The following RAPGEF2 variants were observed in gnomAD, a reference collection of about 807,000 sequenced individuals.
The protein encoded by RAPGEF2 is Rap guanine nucleotide exchange factor 2.
Under a neutral mutation model 186.7 loss-of-function variants are expected in RAPGEF2, and 54 were observed. The ratio of observed to expected loss-of-function variants is 0.29; its 90% CI spans 0.23 to 0.36. The LOEUF (loss-of-function observed/expected upper bound fraction) is 0.36. RAPGEF2 is among the 10% of genes least tolerant of loss of function. The pLI is 1.00. For synonymous variants in RAPGEF2, 712 were observed against 705.9 expected (o/e 1.01, Z -0.14); for missense variants, 1,532 against 2,045.0 (o/e 0.75, Z 4.84).
At chr4:159,174,651 A>AT (rs1189091218) in intron 1 of RAPGEF2, among the ~76,000 whole-genome samples, 1 of 151,920 alleles carries the variant, frequency 6.6e-6, no homozygotes, top group Non-Finnish European at 1.5e-5. Context: ...TGATTTGTTT[A>AT]TTTTTTTCCT....
chr4:159,339,682 G>A (rs1053806201), intron 19 of RAPGEF2, among the ~76,000 whole-genome samples: 1 of 152,160 alleles, frequency 6.6e-6, no homozygotes, highest in Non-Finnish European at 1.5e-5. Context: ...TATGCTTGAT[G>A]TAAAGTCACG....
At chr4:159,219,797 G>C (rs894457755) in intron 4 of RAPGEF2, among the ~76,000 whole-genome samples, 5 of 152,178 alleles carry the variant, frequency 3.3e-5, no homozygotes, top group Non-Finnish European at 5.9e-5. Flanking sequence ...TTAGTGCTTA[G>C]TCCGTACTAA....
At chr4:159,112,138 T>G (rs923454835) in intron 1 of RAPGEF2, among the ~76,000 whole-genome samples, 1 of 152,224 alleles carries the variant, frequency 6.6e-6, no homozygotes, top group Non-Finnish European at 1.5e-5. Flanking sequence ...TATTACCTTT[T>G]GGTTAAAATG....
chr4:159,122,982 A>G (rs916854058), intron 1 of RAPGEF2, among the ~76,000 whole-genome samples: 8 of 150,622 alleles, frequency 5.3e-5, no homozygotes, highest in African/African-American at 2.0e-4. Flanking sequence ...TATTTATTAA[A>G]CAAATTTAAG....
chr4:159,244,484 T>G (rs916753027), intron 7 of RAPGEF2, among the ~76,000 whole-genome samples: 1 of 152,012 alleles, frequency 6.6e-6, no homozygotes, highest in Non-Finnish European at 1.5e-5. Context: ...AGTACTGTAC[T>G]AAGTACTAAA....
chr4:159,132,699 G>A (rs892935216), intron 1 of RAPGEF2, among the ~76,000 whole-genome samples: 1 of 151,990 alleles, frequency 6.6e-6, no homozygotes, highest in African/African-American at 2.4e-5. Flanking sequence ...TTTTGTGGGT[G>A]GTGGGTCAGA....
Position 159,355,891 on chromosome 4 carries a change from C to CCCA in RAPGEF2, c.4691_4692insCAC (p.Pro1564_Pro1565insThr). 8 of 1,549,976 alleles carry CCCA rather than the reference C, an allele frequency of 5.2e-6. No homozygotes were observed. The highest frequency in any genetic ancestry group is 7.0e-6 in the Non-Finnish European group (8 of 1,144,794). On this transcript the variant is annotated inframe_insertion, in exon 29 of 30. Transcript: ENST00000691494. The stretch of plus-strand genomic sequence containing the variant: ...CAGGTATCGAGAGCCCCCGCCCACC[C>CCCA]CTCCCGGCTACATTGGAATTCCCAT...
intron 7 of RAPGEF2, among the ~76,000 whole-genome samples, chr4:159,293,334 T>G (rs1382296697): frequency 6.6e-6 from 1 of 152,222 alleles, no homozygotes; most frequent in East Asian, 1.9e-4. Flanking sequence ...TTCTTGTTTA[T>G]TATTTAATTA....
chr4:159,164,581 A>G (rs1183284469), intron 1 of RAPGEF2, among the ~76,000 whole-genome samples: 2 of 152,138 alleles, frequency 1.3e-5, no homozygotes, highest in African/African-American at 4.8e-5. Context: ...GAAATTAGAG[A>G]TAATATAGAA....
chr4:159,297,456 C>A (rs1419010683), intron 7 of RAPGEF2, among the ~76,000 whole-genome samples: 1 of 152,146 alleles, frequency 6.6e-6, no homozygotes, highest in Admixed American at 6.5e-5. Context: ...AAGTTGTTAT[C>A]ACTTTGAGAG....
intron 19 of RAPGEF2, among the ~76,000 whole-genome samples, chr4:159,340,706 C>CACACACACACAT (rs1458099301): frequency 6.9e-6 from 1 of 144,254 alleles, no homozygotes; most frequent in Non-Finnish European, 1.5e-5. Context: ...CACACACACA[C>CACACACACACAT]ATTTATGGAA....
intron 7 of RAPGEF2, among the ~76,000 whole-genome samples, chr4:159,269,873 C>T (rs558515359): frequency 7.9e-5 from 12 of 152,042 alleles, no homozygotes; most frequent in East Asian, 1.9e-4. Context: ...TTGTTAAAAC[C>T]GTTCACTGCC....
intron 1 of RAPGEF2, among the ~76,000 whole-genome samples, chr4:159,138,167 C>T (rs568732720): frequency 6.6e-6 from 1 of 152,160 alleles, no homozygotes; most frequent in South Asian, 2.1e-4. Context: ...TACATTGGTA[C>T]CAGTTTTATA....
At chr4:159,123,528 T>A (rs903100594) in intron 1 of RAPGEF2, among the ~76,000 whole-genome samples, 1 of 151,722 alleles carries the variant, frequency 6.6e-6, no homozygotes, top group Admixed American at 6.6e-5. Flanking sequence ...GGGTGGGATA[T>A]GGATTTTTAT....
At chr4:159,184,587 T>C (rs1747364411) in intron 1 of RAPGEF2, among the ~76,000 whole-genome samples, 1 of 152,216 alleles carries the variant, frequency 6.6e-6, no homozygotes, top group Non-Finnish European at 1.5e-5. Context: ...TTAATGGGGT[T>C]ATTTGATTTT....
chr4:159,257,322 C>T (rs1211607898), intron 7 of RAPGEF2, among the ~76,000 whole-genome samples: 3 of 152,118 alleles, frequency 2.0e-5, no homozygotes, highest in Admixed American at 1.3e-4. Context: ...ACAATCATGG[C>T]AGAAGGCAGG....
chr4:159,197,928 G>A (rs1348318769), intron 3 of RAPGEF2, among the ~76,000 whole-genome samples: 1 of 152,172 alleles, frequency 6.6e-6, no homozygotes, highest in Non-Finnish European at 1.5e-5. Flanking sequence ...GTATGATGGA[G>A]TTATTTCTGT....
At chr4:159,127,005 T>G (rs769006246) in intron 1 of RAPGEF2, among the ~76,000 whole-genome samples, 2 of 152,074 alleles carry the variant, frequency 1.3e-5, no homozygotes, top group Non-Finnish European at 2.9e-5. Flanking sequence ...TGAAAACATT[T>G]GTTTATTTGC....
At chr4:159,218,937 G>T (rs1391561626) in intron 4 of RAPGEF2, among the ~76,000 whole-genome samples, 1 of 152,090 alleles carries the variant, frequency 6.6e-6, no homozygotes, top group African/African-American at 2.4e-5. Flanking sequence ...AGGTGATTGG[G>T]CCCTCTAATT....
Sources: allele counts gnomAD v4.1 joint callset (sites outside exome capture counted in the v4.1 genomes callset), GRCh38; gene constraint gnomAD v4.1.1; transcripts MANE v1.5; gene names NCBI Gene and HGNC (gene_info 2026-07-23, HGNC 2026-07-21).